Variants in CAMTA1 observed in about 807,000 individuals in gnomAD.
The protein encoded by CAMTA1 is calmodulin binding transcription activator 1.
A neutral mutation model predicts 170.9 loss-of-function variants in CAMTA1; 27 were observed. The observed-to-expected ratio is 0.16, with a 90% CI of 0.12 to 0.22. CAMTA1 has a LOEUF of 0.22. Among genes scored for constraint, CAMTA1 ranks in the 10% least tolerant of loss-of-function variants. The probability of loss-of-function intolerance (pLI) is 1.00; values close to 1 mark genes in which losing one functional copy is unlikely to be tolerated. For missense variants in CAMTA1, 1,619 were observed against 2,217.2 expected, an observed-to-expected ratio of 0.73 and a Z score of 5.42; for synonymous variants, 833 against 891.5, an observed-to-expected ratio of 0.93 and a Z score of 1.17.
chr1:7,370,569 A>G (rs908526500), intron 5 of CAMTA1, among the ~76,000 whole-genome samples: 1 of 152,224 alleles, frequency 6.6e-6, no homozygotes, highest in Non-Finnish European at 1.5e-5. Flanking sequence ...TTAACATTTC[A>G]TGTTCCACAG....
At chr1:6,802,424 G>A (rs1420662261) in intron 1 of CAMTA1, among the ~76,000 whole-genome samples, 1 of 152,218 alleles carries the variant, frequency 6.6e-6, no homozygotes, top group Middle Eastern at 3.2e-3. Flanking sequence ...ATGAAAGAAG[G>A]TTGGTTAGAT....
chr1:7,671,630 G>A (rs1384924717), intron 10 of CAMTA1, among the ~76,000 whole-genome samples: 1 of 152,224 alleles, frequency 6.6e-6, no homozygotes, highest in African/African-American at 2.4e-5. Flanking sequence ...CTTTGAGAAT[G>A]TAAAACAGAG....
At chr1:7,519,309 A>T (rs1252085258) in intron 6 of CAMTA1, among the ~76,000 whole-genome samples, 1 of 151,932 alleles carries the variant, frequency 6.6e-6, no homozygotes, top group Non-Finnish European at 1.5e-5. Flanking sequence ...GCACAGGGGA[A>T]GTCTTAGCCA....
chr1:7,449,457 C>G (rs768115615), intron 5 of CAMTA1, among the ~76,000 whole-genome samples: 69 of 152,222 alleles, frequency 4.5e-4, no homozygotes, highest in Non-Finnish European at 7.1e-4. Context: ...TTCCAAGGGC[C>G]TCAGTTATCT....
At chr1:7,147,705 C>T (rs953303445) in intron 4 of CAMTA1, among the ~76,000 whole-genome samples, 1 of 151,232 alleles carries the variant, frequency 6.6e-6, no homozygotes, top group Non-Finnish European at 1.5e-5. Flanking sequence ...CACACACAAA[C>T]TCAAACATAT....
chr1:7,597,192 C>T (rs1483678902), intron 6 of CAMTA1, among the ~76,000 whole-genome samples: 1 of 152,198 alleles, frequency 6.6e-6, no homozygotes, highest in Non-Finnish European at 1.5e-5. Context: ...TTGACCCTAC[C>T]AGCTACTAGC....
Position 7,736,916 on chromosome 1 carries a change from T to C in CAMTA1, c.3264-15T>C, listed in dbSNP as rs143179132. ...TGGTGAATAGTGTGGTAATTTCTGG[T>C]GCTCTCCCTTATAGTACAAAGCACG... On this transcript the variant is annotated splice_polypyrimidine_tract_variant and intron_variant, in intron 13 of 22. Coordinates refer to ENST00000303635, the MANE Select transcript of CAMTA1 (RefSeq NM_015215.4). This position sits in a 1 kb window ranked among gnomAD's most constrained non-coding sequence, Gnocchi z 4.5. 5.4e-5 allele frequency: 86 copies of C among 1,604,740 alleles called. 1 individual carries two copies. In the Middle Eastern group the frequency reaches 8.3e-4, roughly 15 times the overall value.
At chr1:7,315,323 A>G (rs1041874277) in intron 5 of CAMTA1, among the ~76,000 whole-genome samples, 4 of 152,192 alleles carry the variant, frequency 2.6e-5, no homozygotes, top group African/African-American at 9.7e-5. Context: ...GCCTGACTCT[A>G]TTTGTCGGGG....
chr1:6,943,630 C>T (rs1197608750), intron 3 of CAMTA1, among the ~76,000 whole-genome samples: 2 of 152,012 alleles, frequency 1.3e-5, no homozygotes, highest in Admixed American at 6.6e-5. Context: ...GGGCGGATCA[C>T]GAGATCAGAG....
intron 1 of CAMTA1, among the ~76,000 whole-genome samples, chr1:6,786,720 C>T (rs1174593085): frequency 1.3e-5 from 2 of 152,110 alleles, no homozygotes; most frequent in Non-Finnish European, 2.9e-5. Context: ...GGACGTTCAC[C>T]GTGCTCCTTT....
At chr1:6,844,535 A>C (rs1657206118) in intron 3 of CAMTA1, among the ~76,000 whole-genome samples, 1 of 150,910 alleles carries the variant, frequency 6.6e-6, no homozygotes, top group Non-Finnish European at 1.5e-5. Flanking sequence ...AAAATGCAAA[A>C]ATTAGCCCAG....
intron 5 of CAMTA1, among the ~76,000 whole-genome samples, chr1:7,304,229 G>A (rs993930040): frequency 1.3e-5 from 2 of 152,160 alleles, no homozygotes; most frequent in Non-Finnish European, 2.9e-5. Context: ...TTCATGTTAT[G>A]TACTTTCTAC....
At chr1:6,866,069 G>T (rs1666481744) in intron 3 of CAMTA1, among the ~76,000 whole-genome samples, 1 of 152,146 alleles carries the variant, frequency 6.6e-6, no homozygotes, top group South Asian at 2.1e-4. Context: ...CTGTGACTTG[G>T]TGCCTGTGTT....
intron 6 of CAMTA1, among the ~76,000 whole-genome samples, chr1:7,573,941 T>C (rs998150086): frequency 3.9e-5 from 6 of 152,034 alleles, no homozygotes; most frequent in Admixed American, 3.3e-4. Flanking sequence ...GCCCGGCTAA[T>C]TTTTGTATTT....
rs3222190 is a variant in CAMTA1 at position 7,547,348 on chromosome 1, GCACACACACACACACA to G, written c.510+79474_510+79489del. Among the ~76,000 whole-genome samples the G allele has an allele frequency of 1.9e-4, 27 of 144,108 alleles. No homozygotes were observed. The highest frequency in any genetic ancestry group is 2.8e-4 in the Admixed American group (4 of 14,408). 94.5% of individuals were successfully genotyped at this position (144,108 alleles called of 152,430 possible). On this transcript the variant is annotated intron_variant, in intron 6 of 22. Transcript: ENST00000303635. This position sits in a 1 kb window ranked among gnomAD's most constrained non-coding sequence, Gnocchi z 5.7. ...GAGCTGGGGAATATATGTATCATAT[GCACACACACACACACA>G]CACACACACACACACACACACACAC... is the stretch of plus-strand genomic sequence containing the variant.
Position 7,014,669 on chromosome 1 carries a change from G to C in CAMTA1, c.235-76635G>C, listed in dbSNP as rs910378045. 1.3e-5 allele frequency among the ~76,000 whole-genome samples: 2 copies of C among 152,110 alleles called. No individual in the cohort carries two copies. Among genetic ancestry groups the C allele is most frequent in the Non-Finnish European group, 2.9e-5 (2 of 68,030 alleles). On this transcript the variant is annotated intron_variant, in intron 3 of 22. Coordinates refer to ENST00000303635, the MANE Select transcript of CAMTA1 (RefSeq NM_015215.4). This position sits in a 1 kb window ranked among gnomAD's most constrained non-coding sequence, Gnocchi z 4.2. ...TTTCTCATAACCCAACGCTTGGCTT[G>C]GTTTCAAAAAGGAAGCCTCTCCTCT... is the stretch of plus-strand genomic sequence containing the variant.
chr1:6,832,293 A>G (rs369789231), intron 3 of CAMTA1, among the ~76,000 whole-genome samples: 1 of 152,106 alleles, frequency 6.6e-6, no homozygotes, highest in Non-Finnish European at 1.5e-5. Flanking sequence ...GCCAAGGCCC[A>G]TCCAAACAAC....
Position 7,007,811 on chromosome 1 carries a change from A to G in CAMTA1, c.235-83493A>G, listed in dbSNP as rs996338733. On this transcript the variant is annotated intron_variant, in intron 3 of 22. Coordinates refer to ENST00000303635, the MANE Select transcript of CAMTA1 (RefSeq NM_015215.4). The surrounding 1 kb of genome is among the most constrained non-coding windows in gnomAD (Gnocchi z 4.5). ...TCCTCCAGAAGAGAGGCCAGGGAGC[A>G]TTCCATCAGCCCCACCTCTCCAGAG... Among the ~76,000 whole-genome samples the G allele has an allele frequency of 1.3e-5, 2 of 152,180 alleles. No individual in the cohort carries two copies. The highest frequency in any genetic ancestry group is 4.8e-5 in the African/African-American group (2 of 41,436).
intron 3 of CAMTA1, among the ~76,000 whole-genome samples, chr1:6,917,385 G>T (rs1486681487): frequency 1.3e-5 from 2 of 152,276 alleles, no homozygotes; most frequent in African/African-American, 4.8e-5. Context: ...ACTTGGAGAA[G>T]CCCAGGGTGG....
Sources: allele counts gnomAD v4.1 joint callset (sites outside exome capture counted in the v4.1 genomes callset), GRCh38; gene constraint gnomAD v4.1.1; non-coding constraint Gnocchi (gnomAD v3.1); transcripts MANE v1.5; gene names NCBI Gene and HGNC (gene_info 2026-07-23, HGNC 2026-07-21).